CACNA1H: variants seen among roughly 807,000 people sequenced by gnomAD.
CACNA1H encodes voltage-dependent T-type calcium channel subunit alpha-1H.
Under a neutral mutation model 192.5 loss-of-function variants are expected in CACNA1H, and 149 were observed. The observed-to-expected ratio is 0.77, with a 90% CI of 0.68 to 0.89. The LOEUF (loss-of-function observed/expected upper bound fraction) is 0.89. Among genes scored for constraint, CACNA1H ranks in the 40% least tolerant of loss-of-function variants. CACNA1H has a pLI of 0.00. For synonymous variants in CACNA1H, 2,202 were observed against 1,475.2 expected (o/e 1.49, Z -11.29); for missense variants, 4,257 against 3,423.5 (o/e 1.24, Z -6.08).
At chr16:1,176,197 G>A (rs1356921871) in intron 2 of CACNA1H, among the ~76,000 whole-genome samples, 1 of 152,256 alleles carries the variant, frequency 6.6e-6, no homozygotes, top group Non-Finnish European at 1.5e-5. Context: ...CAGATGCTGT[G>A]TGGTTAGAGA....
At chr16:1,194,871 A>T (rs58745586) in intron 2 of CACNA1H, 101 bp from the exon 3 acceptor site, 3 of 844,954 alleles carry the variant, frequency 3.6e-6, no homozygotes, top group Non-Finnish European at 6.0e-6. Context: ...CCACGCGCGC[A>T]CACCCGTGGC....
Position 1,215,510 on chromosome 16 carries a change from C to T in CACNA1H, c.5174-13C>T, listed in dbSNP as rs748649296. On this transcript the variant is annotated splice_polypyrimidine_tract_variant and intron_variant, in intron 29 of 34. Transcript: ENST00000348261. Reference sequence around the variant, plus strand: ...TCCGCCCAGCCCTGCTGACGCTCAGCTCCCGGCCCTAGTGCTGAAGCTGCT... The same window carrying T: ...TCCGCCCAGCCCTGCTGACGCTCAGTTCCCGGCCCTAGTGCTGAAGCTGCT... 22 of 1,609,912 alleles carry T rather than the reference C, an allele frequency of 1.4e-5. 1 individual carries two copies. In the South Asian group the frequency reaches 2.0e-4, roughly 15 times the overall value.
chr16:1,214,931 G>T, intron 27 of CACNA1H, 41 bp from the exon 28 acceptor site: 1 of 1,447,692 alleles, frequency 6.9e-7, no homozygotes. Context: ...AAGAGGGGTG[G>T]CCCCAGCCCC....
Position 1,153,369 on chromosome 16 carries a change from AGGCGCTGGGGG to A in CACNA1H, c.-119_-109del, listed in dbSNP as rs1961827650. 7.3e-6 allele frequency: 1 copy of A among 137,436 alleles called. No homozygotes were observed. The highest frequency in any genetic ancestry group is 1.6e-5 in the Non-Finnish European group (1 of 63,088). 8.5% of individuals were successfully genotyped at this position (137,436 alleles called of 1,614,324 possible). ...GGGCCGGGGCCGGGGCCGGGGGCGG[AGGCGCTGGGGG>A]CCGGGGCCGGGGCCGGGCGCCGAGC... On this transcript the variant is annotated 5_prime_UTR_variant, in exon 1 of 35. Transcript: ENST00000348261.
Position 1,160,781 on chromosome 16 carries a change from C to G in CACNA1H, c.299+6745C>G, listed in dbSNP as rs547762052. On this transcript the variant is annotated intron_variant, in intron 2 of 34. Coordinates refer to ENST00000348261, the MANE Select transcript of CACNA1H (RefSeq NM_021098.3). ...CTCTTGCTGCCGCCCGGTCGCTTGC[C>G]GGGAGCGGGAGCTGTGGGCAGAGAG... Among the ~76,000 whole-genome samples, 144 of 152,278 alleles carry G rather than the reference C, an allele frequency of 9.5e-4. No individual in the cohort carries two copies. The Middle Eastern group carries it at 0.01, about 11-fold the overall frequency.
intron 2 of CACNA1H, among the ~76,000 whole-genome samples, chr16:1,163,690 T>G (rs1038661294): frequency 2.2e-4 from 34 of 152,220 alleles, no homozygotes; most frequent in African/African-American, 8.0e-4. Context: ...TGGGGGAAGC[T>G]GGCCGCTGTG....
Position 1,220,976 on chromosome 16 carries a change from T to C in CACNA1H, c.7044T>C (p.Gly2348=). 1.3e-6 allele frequency: 2 copies of C among 1,595,862 alleles called. No homozygotes were observed. The highest frequency in any genetic ancestry group is 1.7e-6 in the Non-Finnish European group (2 of 1,171,690). The change falls in exon 35 of 35, where the codon GGT becomes GGC. Residue 2348 remains glycine, a synonymous_variant. Transcript: ENST00000348261. ...SPSATPAPGG[G]ADDPV ...CAGCCACCCCTGCCCCAGGGGGTGG[T>C]GCAGATGACCCCGTGTAGCTCGGGG... is the stretch of plus-strand genomic sequence containing the variant.
chr16:1,198,529 G>A (rs1967273204), intron 5 of CACNA1H, 86 bp from the exon 6 acceptor site: 19 of 1,476,654 alleles, frequency 1.3e-5, no homozygotes, highest in Non-Finnish European at 1.6e-5. Flanking sequence ...ACAGTGGACG[G>A]GGCTCGGGGG....
At chr16:1,198,829 C>G (rs1349901602) in intron 6 of CACNA1H, 55 bp downstream of exon 6, 1 of 1,527,712 alleles carries the variant, frequency 6.5e-7, no homozygotes, top group African/African-American at 1.4e-5. Flanking sequence ...GCCCACCATG[C>G]AGATAACGCA....
intron 34 of CACNA1H, 83 bp downstream of exon 34, chr16:1,219,213 C>T (rs1970284875): frequency 2.3e-6 from 3 of 1,327,954 alleles, no homozygotes; most frequent in Middle Eastern, 2.2e-4. Context: ...GAAGGACCAG[C>T]AGACGAGGAC....
intron 2 of CACNA1H, among the ~76,000 whole-genome samples, chr16:1,175,388 G>T (rs1964778429): frequency 6.6e-6 from 1 of 152,162 alleles, no homozygotes; most frequent in Non-Finnish European, 1.5e-5. Context: ...CTGGTTGTGG[G>T]GCAGGGCTTT....
chr16:1,168,195 C>T (rs1015155396), intron 2 of CACNA1H, among the ~76,000 whole-genome samples: 2 of 141,144 alleles, frequency 1.4e-5, no homozygotes, highest in African/African-American at 5.7e-5. Context: ...ATGTGGGATC[C>T]CCCCCCCCAA....
rs368014968 is a variant in CACNA1H at position 1,220,595 on chromosome 16, G to A, written c.6663G>A (p.Pro2221=). Reference sequence around the variant, plus strand: ...GCACCACACTGAGGCGCAGGACCCCGTCCTGTGAGGCCACGCCTCACAGGG... The same window carrying A: ...GCACCACACTGAGGCGCAGGACCCCATCCTGTGAGGCCACGCCTCACAGGG... ...GGSTTLRRRT[P]SCEATPHRDS... The change falls in exon 35 of 35, where the codon CCG becomes CCA. Residue 2221 remains proline, a synonymous_variant. Coordinates refer to ENST00000348261, the MANE Select transcript of CACNA1H (RefSeq NM_021098.3). The A allele has an allele frequency of 2.4e-5, 38 of 1,554,942 alleles. No individual in the cohort carries two copies. The highest frequency in any genetic ancestry group is 1.8e-4 in the South Asian group (15 of 81,644).
In CACNA1H at chr16:1,208,067, G is replaced by A. The variant is rs2141316432; in HGVS notation, c.3209G>A (p.Gly1070Asp). The A allele has an allele frequency of 6.2e-7, 1 of 1,604,990 alleles. No homozygotes were observed. Among genetic ancestry groups the A allele is most frequent in the African/African-American group, 1.3e-5 (1 of 74,826 alleles). Residue 1070 changes from glycine (G) to aspartate (D), a missense_variant, in exon 16 of 35, where the codon GGC becomes GAC. Transcript: ENST00000348261. The stretch of plus-strand genomic sequence containing the variant: ...CCCAACGGGCACCTGGAGGGACGAG[G>A]CAGCCTGTCCCCTCCCCTCATCATG... ...VTPNGHLEGR[G>D]SLSPPLIMCT... is the part of the protein sequence containing the mutation.
At chr16:1,187,582 G>A (rs150828678) in intron 2 of CACNA1H, among the ~76,000 whole-genome samples, 7 of 152,210 alleles carry the variant, frequency 4.6e-5, no homozygotes, top group Admixed American at 1.3e-4. Flanking sequence ...GGGCAGGAAC[G>A]GCCCAGCCTC....
chr16:1,167,696 C>T lies in CACNA1H; in HGVS notation c.299+13660C>T, dbSNP rs917386123. On this transcript the variant is annotated intron_variant, in intron 2 of 34. Transcript: ENST00000348261. The surrounding 1 kb of genome is among the most constrained non-coding windows in gnomAD (Gnocchi z 4.2). ...CGGTTTGGCCCATGCAAGCCGGCTCCTGGCTAGGGACCCCGAGACCCCTCC... is the reference window on the plus strand; with the variant it reads ...CGGTTTGGCCCATGCAAGCCGGCTCTTGGCTAGGGACCCCGAGACCCCTCC... Among the ~76,000 whole-genome samples, 4 of 152,234 alleles carry T rather than the reference C, an allele frequency of 2.6e-5. No homozygotes were observed. The highest frequency in any genetic ancestry group is 9.6e-5 in the African/African-American group (4 of 41,462).
chr16:1,211,754 A>C lies in CACNA1H; in HGVS notation c.4515A>C (p.Gly1505=). 6.2e-7 allele frequency: 1 copy of C among 1,612,674 alleles called. No individual in the cohort carries two copies. Among genetic ancestry groups the C allele is most frequent in the Non-Finnish European group, 8.5e-7 (1 of 1,179,714 alleles). ...TGTTCGTGCTGTCATCCAAGGATGG[A>C]TGGGTGAACATCATGTACGACGGGC... is the stretch of plus-strand genomic sequence containing the variant. ...MSLFVLSSKD[G]WVNIMYDGLD... Residue 1505 remains glycine, a synonymous_variant, in exon 24 of 35, where the codon GGA becomes GGC. Transcript: ENST00000348261.
At position 1,208,024 on chromosome 16, in the gene CACNA1H, T is replaced by G; in HGVS notation, c.3166T>G (p.Cys1056Gly). The change falls in exon 16 of 35, where the codon TGT (cysteine) becomes GGT (glycine). Residue 1056 changes from cysteine (C) to glycine (G), a missense_variant. Physicochemically the swap from Cys to Gly is radical, Grantham distance 159. Coordinates refer to ENST00000348261, the MANE Select transcript of CACNA1H (RefSeq NM_021098.3). ...CCTCTGTCCCGCAGAGCTGAAGATG[T>G]GTTCCCTGGCCGTGACCCCCAACGG... ...RELQTTELKM[C>G]SLAVTPNGHL... 1 of 1,604,952 alleles carries G rather than the reference T, an allele frequency of 6.2e-7. No homozygotes were observed. Among genetic ancestry groups the G allele is most frequent in the Non-Finnish European group, 8.5e-7 (1 of 1,176,676 alleles).
At chr16:1,182,132 A>G (rs533162747) in intron 2 of CACNA1H, among the ~76,000 whole-genome samples, 2 of 152,286 alleles carry the variant, frequency 1.3e-5, no homozygotes, top group Admixed American at 1.3e-4. Flanking sequence ...GGGCAGGAGC[A>G]GGGTCCGTGC....
Sources: gnomAD v4.1 joint callset for allele counts (sites outside exome capture counted in the v4.1 genomes callset) on GRCh38, gnomAD v4.1.1 for gene constraint, Gnocchi (gnomAD v3.1) non-coding constraint, MANE v1.5 for transcripts, NCBI Gene and HGNC (gene_info 2026-07-23, HGNC 2026-07-21) for gene names.